The following OR51B5 variants were observed in gnomAD, a reference collection of about 807,000 sequenced individuals.
OR51B5 encodes olfactory receptor family 51 subfamily B member 5.
For missense variants in OR51B5, 456 were observed against 374.6 expected, an observed-to-expected ratio of 1.22 and a Z score of -1.79; for synonymous variants, 186 against 144.8, an observed-to-expected ratio of 1.28 and a Z score of -2.04.
At chr11:5,396,172 C>T (rs1360213655) in intron 1 of OR51B5, among the ~76,000 whole-genome samples, 1 of 152,206 alleles carries the variant, frequency 6.6e-6, no homozygotes, top group African/African-American at 2.4e-5. Context: ...GACAGGGATG[C>T]CCTCTCTCAC....
chr11:5,348,586 A>T (rs1849029272), intron 1 of OR51B5, among the ~76,000 whole-genome samples: 1 of 152,098 alleles, frequency 6.6e-6, no homozygotes, highest in African/African-American at 2.4e-5. Flanking sequence ...AGGGGTACAG[A>T]TTCACATAGC....
chr11:5,414,432 A>G (rs903170463), intron 1 of OR51B5, among the ~76,000 whole-genome samples: 349 of 151,194 alleles, frequency 2.3e-3, no homozygotes, highest in Non-Finnish European at 2.5e-3. Flanking sequence ...ACACATAACA[A>G]TATTAACTTT....
intron 1 of OR51B5, among the ~76,000 whole-genome samples, chr11:5,418,778 G>T (rs899006779): frequency 6.6e-6 from 1 of 151,796 alleles, no homozygotes; most frequent in Non-Finnish European, 1.5e-5. Context: ...ACCTAATGTA[G>T]GTGACGGGTT....
At chr11:5,415,695 C>T (rs374695680) in intron 1 of OR51B5, among the ~76,000 whole-genome samples, 3 of 152,134 alleles carry the variant, frequency 2.0e-5, no homozygotes, top group African/African-American at 7.2e-5. Context: ...ATAAATTCCT[C>T]GACACATACA....
intron 1 of OR51B5, among the ~76,000 whole-genome samples, chr11:5,376,933 A>T (rs534829939): frequency 8.6e-5 from 13 of 151,828 alleles, no homozygotes; most frequent in African/African-American, 2.9e-4. Context: ...CAACAGAAAA[A>T]GAAGGAATCC....
intron 1 of OR51B5, among the ~76,000 whole-genome samples, chr11:5,378,299 C>T (rs1321864004): frequency 6.6e-6 from 1 of 152,008 alleles, no homozygotes; most frequent in African/African-American, 2.4e-5. Flanking sequence ...ACACCTTATA[C>T]AAAAATTAAT....
chr11:5,455,546 T>G, intron 1 of OR51B5: 1 of 36,824 alleles, frequency 2.7e-5, no homozygotes, highest in Non-Finnish European at 5.7e-5. Context: ...AGCGAGGGAT[T>G]GGGGGAGAAA....
At chr11:5,404,695 C>T (rs1370220873) in intron 1 of OR51B5, among the ~76,000 whole-genome samples, 1 of 152,210 alleles carries the variant, frequency 6.6e-6, no homozygotes, top group Non-Finnish European at 1.5e-5. Flanking sequence ...TGGCTGCTCA[C>T]TCTTTGGGTC....
At chr11:5,407,442 C>T (rs1251329570) in intron 1 of OR51B5, among the ~76,000 whole-genome samples, 3 of 152,164 alleles carry the variant, frequency 2.0e-5, no homozygotes, top group Non-Finnish European at 4.4e-5. Flanking sequence ...ACTTCTTCCT[C>T]TGTAATCAGT....
At chr11:5,340,581 C>T (rs1848878841), downstream of OR51B5, 1 of 151,394 alleles carries the variant, frequency 6.6e-6, no homozygotes, top group Non-Finnish European at 1.5e-5. Context: ...TCATAGGGAA[C>T]AATATTTTTG....
intron 1 of OR51B5, chr11:5,403,523 A>C (rs551650394): frequency 4.2e-6 from 2 of 471,470 alleles, no homozygotes; most frequent in Non-Finnish European, 8.8e-6. Context: ...TCCGAATGCT[A>C]TTAGAGAAAA....
At chr11:5,366,540 C>T (rs1452406354) in intron 1 of OR51B5, among the ~76,000 whole-genome samples, 2 of 151,648 alleles carry the variant, frequency 1.3e-5, no homozygotes, top group African/African-American at 4.9e-5. Flanking sequence ...ACCTGGGAGG[C>T]GGAGGTTGCA....
intron 1 of OR51B5, among the ~76,000 whole-genome samples, chr11:5,483,707 T>A (rs1241885083): frequency 6.6e-6 from 1 of 152,070 alleles, no homozygotes; most frequent in African/African-American, 2.4e-5. Context: ...ATCAACTGCT[T>A]CTTATCTTTC....
chr11:5,390,101 C>A, intron 1 of OR51B5: 1 of 1,613,794 alleles, frequency 6.2e-7, no homozygotes, highest in Non-Finnish European at 8.5e-7. Flanking sequence ...ACTCATCCTG[C>A]ACACAGTAGC....
intron 1 of OR51B5, chr11:5,389,534 A>G: frequency 1.2e-6 from 2 of 1,613,838 alleles, no homozygotes; most frequent in Non-Finnish European, 1.7e-6. Flanking sequence ...CTTTTTCTTT[A>G]TGTACATGGT....
chr11:5,467,001 C>T (rs991213931), intron 1 of OR51B5, among the ~76,000 whole-genome samples: 1 of 150,928 alleles, frequency 6.6e-6, no homozygotes, highest in East Asian at 1.9e-4. Context: ...GCTTAATGTA[C>T]TTTCCTTTGG....
intron 1 of OR51B5, among the ~76,000 whole-genome samples, chr11:5,367,493 A>AT (rs1374259119): frequency 3.5e-4 from 53 of 152,154 alleles, no homozygotes; most frequent in Non-Finnish European, 2.9e-5. Flanking sequence ...TGATGTTGCC[A>AT]TGGCATTTCT....
chr11:5,373,192 C>G (rs1402566560), intron 1 of OR51B5, among the ~76,000 whole-genome samples: 1 of 152,072 alleles, frequency 6.6e-6, no homozygotes, highest in African/African-American at 2.4e-5. Context: ...AATGTAAGAC[C>G]TGAAATCACA....
At chr11:5,362,740 C>T (rs1331555917) in intron 1 of OR51B5, 4 of 219,274 alleles carry the variant, frequency 1.8e-5, no homozygotes, top group Non-Finnish European at 2.8e-5. Flanking sequence ...ACGAGGTCAC[C>T]TCTACCAAGT....
Sources: gnomAD v4.1 joint callset for allele counts (sites outside exome capture counted in the v4.1 genomes callset) on GRCh38, gnomAD v4.1.1 for gene constraint, MANE v1.5 for transcripts, NCBI Gene and HGNC (gene_info 2026-07-23, HGNC 2026-07-21) for gene names.